The following PKHD1 variants were observed in gnomAD, a reference collection of about 807,000 sequenced individuals.
PKHD1 encodes PKHD1 ciliary IPT domain containing fibrocystin/polyductin, also known as fibrocystin.
In PKHD1, 291 loss-of-function variants were observed where a neutral mutation model predicts 412.0. That is an observed-to-expected ratio of 0.71 (90% CI 0.64 to 0.78). The LOEUF is 0.78. Among genes scored for constraint, PKHD1 ranks in the 30% least tolerant of loss-of-function variants. PKHD1 has a pLI of 0.00. For synonymous variants in PKHD1, 1,777 were observed against 1,821.5 expected (o/e 0.98, Z 0.62); for missense variants, 4,825 against 4,950.7 (o/e 0.97, Z 0.76).
At chr6:51,784,319 T>C (rs1582670950) in intron 53 of PKHD1, among the ~76,000 whole-genome samples, 1 of 152,304 alleles carries the variant, frequency 6.6e-6, no homozygotes, top group African/African-American at 2.4e-5. Flanking sequence ...AAGGATGATA[T>C]TTAAGATAGC....
At chr6:51,801,372 T>C (rs186094168) in intron 52 of PKHD1, among the ~76,000 whole-genome samples, 17 of 152,284 alleles carry the variant, frequency 1.1e-4, no homozygotes, top group African/African-American at 2.4e-4. Flanking sequence ...CATTCTCTTG[T>C]AGAAAAAGCT....
At chr6:51,999,174 T>A (rs955400834) in intron 35 of PKHD1, among the ~76,000 whole-genome samples, 3 of 152,248 alleles carry the variant, frequency 2.0e-5, no homozygotes, top group African/African-American at 7.2e-5. Context: ...ACTACCATTT[T>A]ATAGAGTTAA....
chr6:51,664,627 T>C (rs1442704384), intron 60 of PKHD1, among the ~76,000 whole-genome samples: 1 of 152,224 alleles, frequency 6.6e-6, no homozygotes, highest in South Asian at 2.1e-4. Context: ...CTCCTCTCTC[T>C]AGTTGCCATA....
chr6:51,833,418 G>A (rs1050029102), intron 51 of PKHD1, among the ~76,000 whole-genome samples: 2 of 152,114 alleles, frequency 1.3e-5, no homozygotes, highest in African/African-American at 4.8e-5. Context: ...AAGAAAACAT[G>A]TTTCAGTCTC....
chr6:51,960,633 T>C (rs1791881792), intron 35 of PKHD1, among the ~76,000 whole-genome samples: 1 of 152,194 alleles, frequency 6.6e-6, no homozygotes, highest in Non-Finnish European at 1.5e-5. Context: ...ATTGTTGCCT[T>C]TCCCCCTGTG....
chr6:51,862,740 T>C (rs1411920873), intron 48 of PKHD1, among the ~76,000 whole-genome samples: 1 of 152,156 alleles, frequency 6.6e-6, no homozygotes, highest in East Asian at 1.9e-4. Flanking sequence ...CACTAACCTT[T>C]TATTTTCCAG....
chr6:51,621,274 G>A (rs1331680316), intron 66 of PKHD1, among the ~76,000 whole-genome samples: 1 of 152,102 alleles, frequency 6.6e-6, no homozygotes, highest in East Asian at 1.9e-4. Flanking sequence ...GCACTGAGCT[G>A]GGCATCATCT....
chr6:51,639,690 C>G (rs1311294226), intron 63 of PKHD1, among the ~76,000 whole-genome samples: 1 of 152,118 alleles, frequency 6.6e-6, no homozygotes, highest in Admixed American at 6.6e-5. Context: ...TTCACAATAC[C>G]ATTAATCGTC....
At chr6:52,009,184 A>G (rs1344355882) in intron 35 of PKHD1, among the ~76,000 whole-genome samples, 1 of 152,314 alleles carries the variant, frequency 6.6e-6, no homozygotes, top group Admixed American at 6.5e-5. Context: ...TGAAGCGAGA[A>G]GTGACAGCCC....
At chr6:52,079,675 C>T (rs1206959203) in intron 5 of PKHD1, among the ~76,000 whole-genome samples, 2 of 152,114 alleles carry the variant, frequency 1.3e-5, no homozygotes, top group African/African-American at 4.8e-5. Context: ...AAATTGTGAG[C>T]ATTGAATCAA....
chr6:51,677,918 AAT>A (rs1776101253), intron 60 of PKHD1, among the ~76,000 whole-genome samples: 1 of 152,192 alleles, frequency 6.6e-6, no homozygotes, highest in Non-Finnish European at 1.5e-5. Context: ...AAACAAATTC[AAT>A]AGACTATTTT....
At chr6:51,949,783 G>T (rs908245366) in intron 36 of PKHD1, among the ~76,000 whole-genome samples, 2 of 152,146 alleles carry the variant, frequency 1.3e-5, no homozygotes, top group Admixed American at 1.3e-4. Context: ...AGGATTGGGG[G>T]CAAAGGGAAT....
At chr6:51,810,446 A>G (rs1046351262) in intron 52 of PKHD1, among the ~76,000 whole-genome samples, 3 of 152,194 alleles carry the variant, frequency 2.0e-5, no homozygotes, top group African/African-American at 7.2e-5. Flanking sequence ...TCTTTACTTT[A>G]GATGCTTCTA....
At chr6:52,053,983 A>G in intron 20 of PKHD1, 55 bp downstream of exon 20, 1 of 1,601,534 alleles carries the variant, frequency 6.2e-7, no homozygotes, top group East Asian at 2.2e-5. Flanking sequence ...TCCCCAAAAC[A>G]GTGAATCCTC....
chr6:51,730,886 A>T (rs1288728042), intron 60 of PKHD1, among the ~76,000 whole-genome samples: 1 of 152,206 alleles, frequency 6.6e-6, no homozygotes, highest in Non-Finnish European at 1.5e-5. Context: ...TAGGCATAAA[A>T]TAAGCTCAGG....
At chr6:51,989,455 C>T (rs1796603263) in intron 35 of PKHD1, among the ~76,000 whole-genome samples, 1 of 152,322 alleles carries the variant, frequency 6.6e-6, no homozygotes, top group East Asian at 1.9e-4. Context: ...AACAACTATG[C>T]ATGCAGGCAC....
chr6:51,846,430 T>C (rs967040566), intron 50 of PKHD1, among the ~76,000 whole-genome samples: 1 of 152,140 alleles, frequency 6.6e-6, no homozygotes, highest in Non-Finnish European at 1.5e-5. Context: ...TTGACCAGGA[T>C]CTACTAAGAG....
Position 51,754,949 on chromosome 6 carries a change from A to T in PKHD1, c.8643-11T>A, listed in dbSNP as rs980641848. ...TCTTCTACTATAATTCTGTAACAGC[A>T]TAACAATGGCATTGGATATACTAAC... On this transcript the variant is annotated splice_polypyrimidine_tract_variant and intron_variant, in intron 55 of 66. Coordinates refer to ENST00000371117, the MANE Select transcript of PKHD1 (RefSeq NM_138694.4). 6.2e-7 allele frequency: 1 copy of T among 1,611,188 alleles called. No homozygotes were observed. Among genetic ancestry groups the T allele is most frequent in the Non-Finnish European group, 8.5e-7 (1 of 1,177,560 alleles).
intron 53 of PKHD1, among the ~76,000 whole-genome samples, chr6:51,778,436 G>A (rs990041235): frequency 6.6e-6 from 1 of 152,128 alleles, no homozygotes; most frequent in African/African-American, 2.4e-5. Context: ...GAGAGGTTAA[G>A]TAGCTTGTCA....
Sources: allele counts gnomAD v4.1 joint callset (sites outside exome capture counted in the v4.1 genomes callset), GRCh38; gene constraint gnomAD v4.1.1; transcripts MANE v1.5; gene names NCBI Gene and HGNC (gene_info 2026-07-23, HGNC 2026-07-21).